AGAP1: variants seen among roughly 807,000 people sequenced by gnomAD.
AGAP1 encodes arf-GAP with GTPase, ANK repeat and PH domain-containing protein 1.
A neutral mutation model predicts 105.3 loss-of-function variants in AGAP1; 29 were observed. That is an observed-to-expected ratio of 0.28 (90% CI 0.21 to 0.38). The LOEUF (loss-of-function observed/expected upper bound fraction) is 0.38, where lower values mean the gene tolerates loss of function less well. Among genes scored for constraint, AGAP1 ranks in the 10% least tolerant of loss-of-function variants. The pLI is 1.00. For missense variants in AGAP1, 998 were observed against 1,165.1 expected (o/e 0.86, Z 2.09); for synonymous variants, 509 against 485.9 (o/e 1.05, Z -0.63).
chr2:236,058,338 G>C lies in AGAP1; in HGVS notation c.2114+9057G>C, dbSNP rs2053967. Among the ~76,000 whole-genome samples the C allele has an allele frequency of 2.0e-5, 3 of 152,120 alleles. No homozygotes were observed. Among genetic ancestry groups the C allele is most frequent in the Non-Finnish European group, 4.4e-5 (3 of 68,032 alleles). ...GCATATCCAGTATATCCCAGCAGATGTTACAGCCAGAGAGCATCTACAAGA... is the reference window on the plus strand; with the variant it reads ...GCATATCCAGTATATCCCAGCAGATCTTACAGCCAGAGAGCATCTACAAGA... On this transcript the variant is annotated intron_variant, in intron 16 of 17. Transcript: ENST00000304032. This position sits in a 1 kb window ranked among gnomAD's most constrained non-coding sequence, Gnocchi z 4.6.
At chr2:235,526,218 T>C (rs1051317768) in intron 1 of AGAP1, among the ~76,000 whole-genome samples, 1 of 151,470 alleles carries the variant, frequency 6.6e-6, no homozygotes, top group Admixed American at 6.6e-5. Context: ...AGGACTGATT[T>C]ATAATGTGGA....
At chr2:235,826,335 G>C (rs566031865) in intron 9 of AGAP1, among the ~76,000 whole-genome samples, 58 of 152,364 alleles carry the variant, frequency 3.8e-4, no homozygotes, top group African/African-American at 1.4e-3. Context: ...CAGGGCCTGA[G>C]CAGGGATAAG....
At chr2:235,519,805 G>A (rs894941491) in intron 1 of AGAP1, among the ~76,000 whole-genome samples, 8 of 151,816 alleles carry the variant, frequency 5.3e-5, no homozygotes, top group Non-Finnish European at 1.0e-4. Context: ...TTTTTGAGAC[G>A]GAGTCTTGCT....
rs918978252 is a variant in AGAP1 at position 235,976,310 on chromosome 2, C to T, written c.1645+7687C>T. Among the ~76,000 whole-genome samples, 9 of 152,248 alleles carry T rather than the reference C, an allele frequency of 5.9e-5. No homozygotes were observed. Among genetic ancestry groups the T allele is most frequent in the African/African-American group, 2.2e-4 (9 of 41,532 alleles). On this transcript the variant is annotated intron_variant, in intron 13 of 17. Transcript: ENST00000304032. The surrounding 1 kb of genome is among the most constrained non-coding windows in gnomAD (Gnocchi z 4.5). ...GTAGATCATCTGGGTTTACTCTAGACATTGACATTGTAGATTGGGCACAGT... is the reference window on the plus strand; with the variant it reads ...GTAGATCATCTGGGTTTACTCTAGATATTGACATTGTAGATTGGGCACAGT...
intron 1 of AGAP1, among the ~76,000 whole-genome samples, chr2:235,591,000 C>T (rs959780200): frequency 4.6e-5 from 7 of 151,208 alleles, no homozygotes; most frequent in East Asian, 2.0e-4. Flanking sequence ...GGATTACAGG[C>T]GTGAGCCACC....
At chr2:235,513,700 A>C (rs1280742810) in intron 1 of AGAP1, among the ~76,000 whole-genome samples, 2 of 152,054 alleles carry the variant, frequency 1.3e-5, no homozygotes, top group Non-Finnish European at 2.9e-5. Context: ...CTCCCAATCC[A>C]GGTGCCATGG....
intron 9 of AGAP1, among the ~76,000 whole-genome samples, chr2:235,869,757 C>G (rs995249551): frequency 6.6e-6 from 1 of 152,196 alleles, no homozygotes; most frequent in African/African-American, 2.4e-5. Context: ...GTATCTGATG[C>G]CTCAGCAAAA....
chr2:235,752,807 T>C lies in AGAP1; in HGVS notation c.673+2319T>C, dbSNP rs1953561095. 6.6e-6 allele frequency among the ~76,000 whole-genome samples: 1 copy of C among 152,246 alleles called. No individual in the cohort carries two copies. Among genetic ancestry groups the C allele is most frequent in the East Asian group, 1.9e-4 (1 of 5,198 alleles). On this transcript the variant is annotated intron_variant, in intron 6 of 17. Coordinates refer to ENST00000304032, the MANE Select transcript of AGAP1 (RefSeq NM_001037131.3). The surrounding 1 kb of genome is among the most constrained non-coding windows in gnomAD (Gnocchi z 4.3). ...TGAATACTGGGGGTTGTCAGGATGA[T>C]GCTGCCTTCCTGCCAAACAGCCTTT... is the stretch of plus-strand genomic sequence containing the variant.
At chr2:235,592,492 G>C (rs550075411) in intron 1 of AGAP1, among the ~76,000 whole-genome samples, 1 of 152,286 alleles carries the variant, frequency 6.6e-6, no homozygotes, top group South Asian at 2.1e-4. Flanking sequence ...CTCCAGGAGA[G>C]GCTCATTTAG....
rs570735373 is a variant in AGAP1, at chr2:235,639,320, G to A, written c.164-69859G>A. Among the ~76,000 whole-genome samples the A allele has an allele frequency of 1.3e-5, 2 of 152,172 alleles. No individual in the cohort carries two copies. Among genetic ancestry groups the A allele is most frequent in the South Asian group, 4.1e-4 (2 of 4,824 alleles). ...GGCATCCATTTGAAGGTTATGGGAA[G>A]ATGGAAAGCACGCCCTGGAGGTGGG... On this transcript the variant is annotated intron_variant, in intron 1 of 17. Coordinates refer to ENST00000304032, the MANE Select transcript of AGAP1 (RefSeq NM_001037131.3). The surrounding 1 kb of genome is among the most constrained non-coding windows in gnomAD (Gnocchi z 5.3).
At chr2:235,987,895 A>C (rs2055389236) in intron 13 of AGAP1, among the ~76,000 whole-genome samples, 1 of 152,206 alleles carries the variant, frequency 6.6e-6, no homozygotes, top group Non-Finnish European at 1.5e-5. Context: ...GAATTAAAGA[A>C]GCTCCTGTAA....
chr2:235,818,412 T>C (rs1050172956), intron 9 of AGAP1, among the ~76,000 whole-genome samples: 1 of 152,150 alleles, frequency 6.6e-6, no homozygotes, highest in African/African-American at 2.4e-5. Context: ...TCCCGCCCCA[T>C]GCCATCTGTG....
chr2:235,638,848 T>C (rs1421299120), intron 1 of AGAP1, among the ~76,000 whole-genome samples: 1 of 152,152 alleles, frequency 6.6e-6, no homozygotes, highest in East Asian at 1.9e-4. Context: ...ACTATTGACA[T>C]TTTGTGCCGG....
In AGAP1 at chr2:235,740,226, G is replaced by C. The variant is rs765210634; in HGVS notation, c.311-737G>C. On this transcript the variant is annotated intron_variant, in intron 3 of 17. Transcript: ENST00000304032. The surrounding 1 kb of genome is among the most constrained non-coding windows in gnomAD (Gnocchi z 5.7). ...AACCTTGTACCATCCCCTCCTGAGA[G>C]CATCAGGGGCCGGGACGTCCAAGGT... Among the ~76,000 whole-genome samples the C allele has an allele frequency of 3.3e-5, 5 of 152,060 alleles. No homozygotes were observed. The highest frequency in any genetic ancestry group is 5.9e-5 in the Non-Finnish European group (4 of 68,010).
intron 1 of AGAP1, among the ~76,000 whole-genome samples, chr2:235,592,060 A>T (rs1305375403): frequency 6.6e-6 from 1 of 152,168 alleles, no homozygotes; most frequent in Non-Finnish European, 1.5e-5. Context: ...CTTTATAGCA[A>T]CGCAAGAACA....
Position 235,700,202 on chromosome 2 carries a change from G to C in AGAP1, c.164-8977G>C, listed in dbSNP as rs1950183578. ...TTTATGCATTAAATATTCCGAAGCAGCCTCAGCTAATGGAACACAGTTCTT... is the reference window on the plus strand; with the variant it reads ...TTTATGCATTAAATATTCCGAAGCACCCTCAGCTAATGGAACACAGTTCTT... On this transcript the variant is annotated intron_variant, in intron 1 of 17. Transcript: ENST00000304032. The surrounding 1 kb of genome is among the most constrained non-coding windows in gnomAD (Gnocchi z 6.1). 6.6e-6 allele frequency among the ~76,000 whole-genome samples: 1 copy of C among 152,230 alleles called. No individual in the cohort carries two copies. Among genetic ancestry groups the C allele is most frequent in the African/African-American group, 2.4e-5 (1 of 41,454 alleles).
At chr2:235,950,887 CTTTTTTTTTT>C (rs200110792) in intron 12 of AGAP1, among the ~76,000 whole-genome samples, 7 of 118,248 alleles carry the variant, frequency 5.9e-5, no homozygotes, top group East Asian at 2.8e-4. Flanking sequence ...TCTCCAAGCA[CTTTTTTTTTT>C]TTTTTTTTTT....
At chr2:235,847,103 T>C in intron 9 of AGAP1, among the ~76,000 whole-genome samples, 1 of 152,192 alleles carries the variant, frequency 6.6e-6, no homozygotes, top group Non-Finnish European at 1.5e-5. Flanking sequence ...ACTCCAAGAC[T>C]CAGCGACTTT....
intron 11 of AGAP1, among the ~76,000 whole-genome samples, chr2:235,925,373 C>G (rs1414552873): frequency 2.0e-5 from 3 of 152,078 alleles, no homozygotes; most frequent in Non-Finnish European, 4.4e-5. Flanking sequence ...TCCTTAGACA[C>G]GGGAATGAAA....
Sources: allele counts gnomAD v4.1 joint callset (sites outside exome capture counted in the v4.1 genomes callset), GRCh38; gene constraint gnomAD v4.1.1; non-coding constraint Gnocchi (gnomAD v3.1); transcripts MANE v1.5; gene names NCBI Gene and HGNC (gene_info 2026-07-23, HGNC 2026-07-21).